MACROD2: variants seen among roughly 807,000 people sequenced by gnomAD.
MACROD2 encodes mono-ADP ribosylhydrolase 2.
In MACROD2, 36 loss-of-function variants were observed where a neutral mutation model predicts 70.4. That is an observed-to-expected ratio of 0.51 (90% CI 0.39 to 0.68). The LOEUF is 0.68. Among genes scored for constraint, MACROD2 ranks in the 30% least tolerant of loss-of-function variants. MACROD2 has a pLI of 0.00. For missense variants in MACROD2, 496 were observed against 538.4 expected (o/e 0.92, Z 0.78); for synonymous variants, 172 against 178.8 (o/e 0.96, Z 0.30).
chr20:16,039,128 G>T lies in MACROD2; in HGVS notation c.1154-2073G>T, dbSNP rs546548651. 2.6e-5 allele frequency among the ~76,000 whole-genome samples: 4 copies of T among 152,002 alleles called. No homozygotes were observed. In the South Asian group the frequency reaches 8.3e-4, roughly 32 times the overall value. ...TGTGCAATGTCAGCTTCACCATTTT[G>T]CATTTCCTCAGGTTTGTCCTGCATT... On this transcript the variant is annotated intron_variant, in intron 15 of 17. Coordinates refer to ENST00000684519, the MANE Select transcript of MACROD2 (RefSeq NM_001351661.2).
At chr20:15,491,236 G>A (rs1014527328) in intron 7 of MACROD2, among the ~76,000 whole-genome samples, 11 of 152,100 alleles carry the variant, frequency 7.2e-5, no homozygotes, top group Non-Finnish European at 1.3e-4. Flanking sequence ...TTATGTTACC[G>A]TCGTGCTGAC....
intron 3 of MACROD2, among the ~76,000 whole-genome samples, chr20:14,430,669 T>A (rs2122927115): frequency 6.6e-6 from 1 of 152,298 alleles, no homozygotes; most frequent in South Asian, 2.1e-4. Flanking sequence ...TTTTTCAGTA[T>A]GAGAATCCTC....
At chr20:14,627,153 C>A (rs1412290414) in intron 4 of MACROD2, 3 of 152,124 alleles carry the variant, frequency 2.0e-5, no homozygotes, top group Admixed American at 6.5e-5. Flanking sequence ...ATCTGAGTGG[C>A]CTGAGGAGTG....
At chr20:14,336,779 G>A (rs148349486) in intron 3 of MACROD2, among the ~76,000 whole-genome samples, 6 of 152,324 alleles carry the variant, frequency 3.9e-5, no homozygotes, top group African/African-American at 1.4e-4. Flanking sequence ...TTGGAAGAGT[G>A]TCTCCCCCTC....
chr20:14,604,001 C>T (rs573763762), intron 4 of MACROD2, among the ~76,000 whole-genome samples: 1 of 152,132 alleles, frequency 6.6e-6, no homozygotes, highest in Non-Finnish European at 1.5e-5. Flanking sequence ...TCAGATTCCT[C>T]ATTCACCTTC....
chr20:13,995,561 C>T lies in MACROD2; in HGVS notation c.-203C>T, dbSNP rs1021230924. On this transcript the variant is annotated 5_prime_UTR_variant, in exon 1 of 18. Coordinates refer to ENST00000684519, the MANE Select transcript of MACROD2 (RefSeq NM_001351661.2). This position sits in a 1 kb window ranked among gnomAD's most constrained non-coding sequence, Gnocchi z 4.3. ...TGTGGCGGCGTCCGCGGGGCTGAGG[C>T]GGGTGGGAGCCGGAGCCGAGCGCGG... The T allele has an allele frequency of 6.1e-6, 4 of 652,882 alleles. No individual in the cohort carries two copies. The highest frequency in any genetic ancestry group is 2.8e-5 in the East Asian group (1 of 36,128). The allele number at this position is 652,882 out of a possible 1,614,324, so 40.4% of individuals were successfully genotyped here. A position where few individuals can be genotyped will look rare whatever the true frequency, so the allele number is the denominator to read the frequency against.
intron 5 of MACROD2, among the ~76,000 whole-genome samples, chr20:14,952,188 A>G (rs530289278): frequency 2.0e-5 from 3 of 152,290 alleles, no homozygotes; most frequent in East Asian, 1.9e-4. Context: ...TGTAAAATAC[A>G]GACAAAGGAA....
intron 5 of MACROD2, among the ~76,000 whole-genome samples, chr20:15,227,062 T>C (rs562442617): frequency 2.6e-5 from 4 of 151,970 alleles, no homozygotes; most frequent in African/African-American, 9.7e-5. Context: ...ATCTGAGAGG[T>C]CATCATGTTG....
intron 8 of MACROD2, among the ~76,000 whole-genome samples, chr20:15,561,195 T>C (rs1048278009): frequency 3.9e-5 from 6 of 152,244 alleles, no homozygotes; most frequent in African/African-American, 1.4e-4. Flanking sequence ...TCAATATCCT[T>C]ATTCTTCAAA....
chr20:14,120,719 A>T (rs1230462489), intron 3 of MACROD2, among the ~76,000 whole-genome samples: 1 of 151,474 alleles, frequency 6.6e-6, no homozygotes, highest in Non-Finnish European at 1.5e-5. Context: ...ATGAAATCAG[A>T]ACACCATGGA....
At chr20:14,466,756 AG>A (rs1328414777) in intron 3 of MACROD2, among the ~76,000 whole-genome samples, 25 of 152,222 alleles carry the variant, frequency 1.6e-4, no homozygotes, top group African/African-American at 6.0e-4. Context: ...TCTAACAGTC[AG>A]GACCCTCAGC....
intron 5 of MACROD2, among the ~76,000 whole-genome samples, chr20:14,768,877 C>T (rs1474826688): frequency 1.3e-5 from 2 of 152,026 alleles, no homozygotes; most frequent in South Asian, 2.1e-4. Context: ...ACTTTTTAAC[C>T]AACACCTTCT....
chr20:15,696,622 C>T (rs1286162526), intron 8 of MACROD2, among the ~76,000 whole-genome samples: 1 of 149,312 alleles, frequency 6.7e-6, no homozygotes, highest in East Asian at 2.0e-4. Context: ...AGGATTGGTA[C>T]CAATTCTTTT....
intron 5 of MACROD2, among the ~76,000 whole-genome samples, chr20:15,001,168 T>G (rs1193726623): frequency 2.0e-5 from 3 of 152,124 alleles, no homozygotes; most frequent in African/African-American, 7.2e-5. Flanking sequence ...AAAATGGCTG[T>G]TTGGGAAATG....
At chr20:15,662,223 A>G (rs998075591) in intron 8 of MACROD2, among the ~76,000 whole-genome samples, 2 of 152,230 alleles carry the variant, frequency 1.3e-5, no homozygotes, top group Non-Finnish European at 2.9e-5. Flanking sequence ...TGTTAAAATT[A>G]CCAATACTAA....
At chr20:14,769,676 TG>T (rs1233157554) in intron 5 of MACROD2, among the ~76,000 whole-genome samples, 6 of 152,132 alleles carry the variant, frequency 3.9e-5, no homozygotes, top group African/African-American at 1.2e-4. Context: ...CTCACCATTT[TG>T]GTGCAACCTT....
chr20:14,880,477 C>A (rs1049326570), intron 5 of MACROD2, among the ~76,000 whole-genome samples: 1 of 152,086 alleles, frequency 6.6e-6, no homozygotes, highest in Non-Finnish European at 1.5e-5. Flanking sequence ...CTTCAAGAGC[C>A]CACGTAATAA....
chr20:14,321,746 G>A (rs894251587), intron 3 of MACROD2, among the ~76,000 whole-genome samples: 4 of 152,090 alleles, frequency 2.6e-5, no homozygotes, highest in African/African-American at 9.7e-5. Flanking sequence ...ATCAGAAACT[G>A]TAGTTACTAA....
intron 8 of MACROD2, among the ~76,000 whole-genome samples, chr20:15,686,941 A>G (rs2050234523): frequency 7.0e-6 from 1 of 142,504 alleles, no homozygotes; most frequent in Non-Finnish European, 1.6e-5. Flanking sequence ...ACCCTGTCTC[A>G]AAAAAAAAAA....
Sources: gnomAD v4.1 joint callset for allele counts (sites outside exome capture counted in the v4.1 genomes callset) on GRCh38, gnomAD v4.1.1 for gene constraint, Gnocchi (gnomAD v3.1) non-coding constraint, MANE v1.5 for transcripts, NCBI Gene and HGNC (gene_info 2026-07-23, HGNC 2026-07-21) for gene names.